The following STYX variants were observed in gnomAD, a reference collection of about 807,000 sequenced individuals.
STYX encodes serine/threonine/tyrosine-interacting protein.
In STYX, 20 loss-of-function variants were observed where a neutral mutation model predicts 42.7. The ratio of observed to expected loss-of-function variants is 0.47; its 90% CI spans 0.33 to 0.68. The LOEUF (loss-of-function observed/expected upper bound fraction) is 0.68. Ranked by LOEUF, STYX falls within the 30% of genes least tolerant of loss-of-function variation. The pLI is 0.02. For synonymous variants in STYX, 78 were observed against 81.9 expected (o/e 0.95, Z 0.26); for missense variants, 226 against 268.5 (o/e 0.84, Z 1.11).
At chr14:52,768,692 AT>A (rs1366351981) in intron 9 of STYX, 147 bp from the exon 10 acceptor site, 1 of 522,530 alleles carries the variant, frequency 1.9e-6, no homozygotes, top group African/African-American at 2.0e-5. Context: ...TGAGACAGGA[AT>A]TTTAAACTTC....
chr14:52,731,126 G>C (rs150050990), intron 1 of STYX, among the ~76,000 whole-genome samples: 4 of 152,096 alleles, frequency 2.6e-5, no homozygotes, highest in Non-Finnish European at 4.4e-5. Context: ...TTTTCTCCTG[G>C]TTTCTAATTT....
intron 1 of STYX, among the ~76,000 whole-genome samples, chr14:52,741,813 T>G (rs1881205531): frequency 6.6e-6 from 1 of 152,206 alleles, no homozygotes; most frequent in Non-Finnish European, 1.5e-5. Flanking sequence ...AATTTCTTAG[T>G]CTGGTCATAT....
At chr14:52,739,632 C>CTTTTTTTTT (rs58454717) in intron 1 of STYX, among the ~76,000 whole-genome samples, 1,258 of 65,700 alleles carry the variant, frequency 0.019, 2 homozygotes, top group Non-Finnish European at 0.021. Context: ...TCCTTTCTTT[C>CTTTTTTTTT]TTTTTTTTTT....
chr14:52,730,666 A>T, intron 1 of STYX, 135 bp downstream of exon 1: 1 of 949,056 alleles, frequency 1.1e-6, no homozygotes, highest in Non-Finnish European at 1.6e-6. Flanking sequence ...GGACCTCTGA[A>T]GCCGAGCGGT....
At chr14:52,763,757 A>G (rs1257936363) in intron 9 of STYX, among the ~76,000 whole-genome samples, 16 of 152,128 alleles carry the variant, frequency 1.1e-4, no homozygotes, top group Admixed American at 1.0e-3. Context: ...CATGAATTTT[A>G]TGGGCATTTG....
chr14:52,730,603 C>A (rs933021348), intron 1 of STYX, 72 bp downstream of exon 1: 2 of 1,546,870 alleles, frequency 1.3e-6, no homozygotes, highest in Non-Finnish European at 1.8e-6. Context: ...CCCCAGTCCC[C>A]AACCGTCTTA....
intron 10 of STYX, 71 bp downstream of exon 10, chr14:52,769,004 T>TA: frequency 9.0e-7 from 1 of 1,116,542 alleles, no homozygotes; most frequent in Non-Finnish European, 1.3e-6. Context: ...TGCTACAAGT[T>TA]ACACTGAACA....
chr14:52,767,865 AG>A (rs1479737259), intron 9 of STYX, among the ~76,000 whole-genome samples: 1 of 152,212 alleles, frequency 6.6e-6, no homozygotes, highest in Non-Finnish European at 1.5e-5. Context: ...ATGTATATCC[AG>A]GCTAGAATTG....
At chr14:52,750,189 A>G (rs1208912906) in intron 3 of STYX, among the ~76,000 whole-genome samples, 1 of 152,208 alleles carries the variant, frequency 6.6e-6, no homozygotes, top group African/African-American at 2.4e-5. Flanking sequence ...TCTGTGAAGT[A>G]TGTAAATTAA....
chr14:52,739,049 G>C (rs7159016), intron 1 of STYX, among the ~76,000 whole-genome samples: 1 of 143,874 alleles, frequency 7.0e-6, no homozygotes, highest in Non-Finnish European at 1.5e-5. Context: ...CCTTTTCTCC[G>C]TTTAGTTTAT....
At chr14:52,762,240 G>T (rs1882126031) in intron 9 of STYX, among the ~76,000 whole-genome samples, 1 of 152,076 alleles carries the variant, frequency 6.6e-6, no homozygotes, top group Admixed American at 6.6e-5. Flanking sequence ...CGGTTTGTAA[G>T]AGCTCTTTTT....
intron 1 of STYX, among the ~76,000 whole-genome samples, chr14:52,741,303 A>G (rs1455116267): frequency 6.6e-6 from 1 of 150,492 alleles, no homozygotes; most frequent in Admixed American, 6.7e-5. Flanking sequence ...TTACCATTTC[A>G]TTTTACATTC....
rs748029284 is a variant in STYX at position 52,768,825 on chromosome 14, TTA to T, written c.505-13_505-12del. ...TAAATATATAATTAAGTTAATTAAC[TTA>T]TTTTTTTTTTAGGAATATGAAGCCA... On this transcript the variant is annotated splice_polypyrimidine_tract_variant and intron_variant, in intron 9 of 10. Coordinates refer to ENST00000354586, the MANE Select transcript of STYX (RefSeq NM_145251.4). The T allele has an allele frequency of 2.1e-4, 308 of 1,456,862 alleles. No individual in the cohort carries two copies. The highest frequency in any genetic ancestry group is 5.4e-4 in the African/African-American group (37 of 68,464). 90.2% of individuals were successfully genotyped at this position (1,456,862 alleles called of 1,614,324 possible). A position where few individuals can be genotyped will look rare whatever the true frequency, so the allele number is the denominator to read the frequency against.
intron 3 of STYX, among the ~76,000 whole-genome samples, chr14:52,749,103 C>CA (rs949680295): frequency 6.6e-6 from 1 of 152,246 alleles, no homozygotes; most frequent in Non-Finnish European, 1.5e-5. Context: ...GGCAAGTCCA[C>CA]AGTCATGGTC....
Position 52,744,844 on chromosome 14 carries a change from C to A in STYX, c.58-8C>A, listed in dbSNP as rs150401321. 1.3e-3 allele frequency: 2,057 copies of A among 1,612,462 alleles called. 16 individuals carry two copies. In the African/African-American group the frequency reaches 0.025, roughly 20 times the overall value. ...TATCTACTTTTATTCTTATGTTTTC[C>A]TTCCCAGGAGTGGACCTACCCTATG... is the stretch of plus-strand genomic sequence containing the variant. On this transcript the variant is annotated splice_region_variant and splice_polypyrimidine_tract_variant and intron_variant, in intron 1 of 10. Transcript: ENST00000354586.
At chr14:52,732,439 A>AT (rs1055903181) in intron 1 of STYX, among the ~76,000 whole-genome samples, 1 of 151,182 alleles carries the variant, frequency 6.6e-6, no homozygotes, top group Non-Finnish European at 1.5e-5. Context: ...CACCGGGCTA[A>AT]TTTTTTTGTA....
At chr14:52,752,349 C>T (rs536524136) in intron 4 of STYX, among the ~76,000 whole-genome samples, 19 of 151,908 alleles carry the variant, frequency 1.3e-4, no homozygotes, top group Non-Finnish European at 2.5e-4. Context: ...CCTGTAGTCC[C>T]AGCTACTCAG....
intron 1 of STYX, among the ~76,000 whole-genome samples, chr14:52,733,040 A>G (rs1187748717): frequency 7.9e-5 from 12 of 152,236 alleles, no homozygotes. Flanking sequence ...CAAATAATGT[A>G]GAGGAGTCCC....
chr14:52,730,996 C>T (rs1459134446), intron 1 of STYX, among the ~76,000 whole-genome samples: 4 of 152,200 alleles, frequency 2.6e-5, no homozygotes, highest in Admixed American at 1.3e-4. Flanking sequence ...TGTTTTTAGA[C>T]AAAGCTATGA....
Sources: gnomAD v4.1 joint callset for allele counts (sites outside exome capture counted in the v4.1 genomes callset) on GRCh38, gnomAD v4.1.1 for gene constraint, MANE v1.5 for transcripts, NCBI Gene and HGNC (gene_info 2026-07-23, HGNC 2026-07-21) for gene names.